Variants in LINGO2 observed in about 807,000 individuals in gnomAD.
LINGO2 encodes leucine rich repeat and Ig domain containing 2, also known as leucine-rich repeat and immunoglobulin-like domain-containing nogo receptor-interacting protein 2.
In LINGO2, 14 loss-of-function variants were observed where a neutral mutation model predicts 30.6. The observed-to-expected ratio is 0.46, with a 90% CI of 0.30 to 0.72. The LOEUF (loss-of-function observed/expected upper bound fraction) is 0.72, where lower values mean the gene tolerates loss of function less well. Among genes scored for constraint, LINGO2 ranks in the 30% least tolerant of loss-of-function variants. The pLI is 0.07. For missense variants in LINGO2, 729 were observed against 751.7 expected (o/e 0.97, Z 0.35); for synonymous variants, 317 against 288.5 (o/e 1.10, Z -1.00).
At chr9:28,821,142 CA>C in the LINGO2 span, among the ~76,000 whole-genome samples, 1 of 150,802 alleles carries the variant, frequency 6.6e-6, no homozygotes, top group Non-Finnish European at 1.5e-5. Flanking sequence ...CCTAAAACAT[CA>C]TGCTGGCTAC....
At chr9:28,127,073 A>T (rs981797889) in intron 4 of LINGO2, among the ~76,000 whole-genome samples, 1 of 152,204 alleles carries the variant, frequency 6.6e-6, no homozygotes, top group Non-Finnish European at 1.5e-5. Flanking sequence ...CTTAGGTATT[A>T]GGTAGATGAA....
intron 4 of LINGO2, among the ~76,000 whole-genome samples, chr9:28,233,063 A>ATATATATATATAT (rs1308692360): frequency 6.7e-5 from 6 of 89,524 alleles, no homozygotes; most frequent in East Asian, 3.0e-4. Context: ...TATATATATT[A>ATATATATATATAT]GATATATAAT....
intron 1 of LINGO2, among the ~76,000 whole-genome samples, chr9:28,524,322 G>C (rs1046254560): frequency 1.3e-5 from 2 of 152,022 alleles, no homozygotes; most frequent in African/African-American, 4.8e-5. Flanking sequence ...ATAAGAAGAA[G>C]GTATAGGAGA....
chr9:28,317,460 G>C (rs1310626061), intron 3 of LINGO2, among the ~76,000 whole-genome samples: 1 of 152,120 alleles, frequency 6.6e-6, no homozygotes, highest in Non-Finnish European at 1.5e-5. Context: ...AACTTTATTA[G>C]TAAAACCTTT....
intron 2 of LINGO2, among the ~76,000 whole-genome samples, chr9:28,400,399 T>C (rs777193260): frequency 5.9e-5 from 9 of 152,126 alleles, no homozygotes; most frequent in African/African-American, 2.2e-4. Context: ...GTTATATGAA[T>C]AGCTTAAAAT....
At chr9:28,179,386 GTA>G (rs577325392) in intron 4 of LINGO2, among the ~76,000 whole-genome samples, 14 of 125,058 alleles carry the variant, frequency 1.1e-4, no homozygotes, top group East Asian at 7.0e-4. Context: ...GCTATATATA[GTA>G]TATATATACT....
chr9:28,241,267 C>CAAAAAAAAAAAAAAA (rs1164724626), intron 4 of LINGO2, among the ~76,000 whole-genome samples: 1 of 83,590 alleles, frequency 1.2e-5, no homozygotes, highest in African/African-American at 4.8e-5. Context: ...GACCCTGTCT[C>CAAAAAAAAAAAAAAA]AAAAAAAAAA....
intron 1 of LINGO2, among the ~76,000 whole-genome samples, chr9:28,582,897 G>A (rs1460093678): frequency 6.6e-6 from 1 of 151,926 alleles, no homozygotes; most frequent in Admixed American, 6.6e-5. Flanking sequence ...TTTGACTTGA[G>A]ATTATCATGT....
intron 1 of LINGO2, among the ~76,000 whole-genome samples, chr9:28,509,687 G>A (rs1294065656): frequency 6.6e-6 from 1 of 152,164 alleles, no homozygotes; most frequent in African/African-American, 2.4e-5. Context: ...AGAGAAGAGA[G>A]ATGACAGCCT....
chr9:28,968,379 T>C, the LINGO2 span, among the ~76,000 whole-genome samples: 1 of 152,168 alleles, frequency 6.6e-6, no homozygotes, highest in Non-Finnish European at 1.5e-5. Context: ...AGAATCACAG[T>C]AGATCCCAAG....
At chr9:27,989,028 C>A (rs565744868) in intron 5 of LINGO2, among the ~76,000 whole-genome samples, 5 of 152,054 alleles carry the variant, frequency 3.3e-5, no homozygotes, top group Admixed American at 3.3e-4. Flanking sequence ...CACTGCTCAC[C>A]AACCTGAGCC....
At chr9:28,622,572 C>A (rs1826453877) in intron 1 of LINGO2, among the ~76,000 whole-genome samples, 1 of 151,734 alleles carries the variant, frequency 6.6e-6, no homozygotes, top group African/African-American at 2.4e-5. Flanking sequence ...GCATATGTAC[C>A]ACATTTTCTT....
intron 1 of LINGO2, among the ~76,000 whole-genome samples, chr9:28,544,377 T>A (rs10968649): frequency 2.0e-5 from 3 of 152,020 alleles, no homozygotes; most frequent in African/African-American, 4.8e-5. Context: ...GACAGCTCTC[T>A]TGACTTTCAC....
intron 1 of LINGO2, among the ~76,000 whole-genome samples, chr9:28,639,273 G>T (rs2083803090): frequency 6.6e-6 from 1 of 152,144 alleles, no homozygotes; most frequent in Non-Finnish European, 1.5e-5. Context: ...GTGTGGTGTG[G>T]TACTGAGAAG....
At chr9:28,815,237 G>C in the LINGO2 span, among the ~76,000 whole-genome samples, 1 of 152,170 alleles carries the variant, frequency 6.6e-6, no homozygotes, top group African/African-American at 2.4e-5. Flanking sequence ...CGAAATTCCT[G>C]AGAAGGAGCA....
the LINGO2 span, among the ~76,000 whole-genome samples, chr9:28,865,657 G>A: frequency 6.9e-4 from 105 of 152,184 alleles, no homozygotes; most frequent in Admixed American, 1.0e-3. Context: ...AGTGGCTTGC[G>A]CCTGTAGTCC....
the LINGO2 span, among the ~76,000 whole-genome samples, chr9:29,010,374 T>G: frequency 1.5e-4 from 23 of 152,160 alleles, no homozygotes; most frequent in Non-Finnish European, 3.1e-4. Context: ...GAAGAGAAGA[T>G]GTCCCAGAAC....
chr9:28,990,723 C>T, the LINGO2 span, among the ~76,000 whole-genome samples: 1 of 150,048 alleles, frequency 6.7e-6, no homozygotes, highest in African/African-American at 2.4e-5. Flanking sequence ...CTGCAGCCAC[C>T]ACTGCTGATA....
At chr9:28,389,167 T>G (rs1034474786) in intron 2 of LINGO2, among the ~76,000 whole-genome samples, 4 of 152,300 alleles carry the variant, frequency 2.6e-5, no homozygotes, top group Non-Finnish European at 4.4e-5. Flanking sequence ...TTTAGGAGAT[T>G]GTTATCTAAA....
Sources: allele counts gnomAD v4.1 joint callset (sites outside exome capture counted in the v4.1 genomes callset), GRCh38; gene constraint gnomAD v4.1.1; transcripts MANE v1.5; gene names NCBI Gene and HGNC (gene_info 2026-07-23, HGNC 2026-07-21).